The following SORCS2 variants were observed in gnomAD, a reference collection of about 807,000 sequenced individuals.
SORCS2 encodes VPS10 domain-containing receptor SorCS2.
Under a neutral mutation model 141.6 loss-of-function variants are expected in SORCS2, and 100 were observed. The ratio of observed to expected loss-of-function variants is 0.71; its 90% CI spans 0.60 to 0.83. The LOEUF is 0.83. Among genes scored for constraint, SORCS2 ranks in the 40% least tolerant of loss-of-function variants. SORCS2 has a pLI of 0.00. For synonymous variants in SORCS2, 789 were observed against 676.9 expected (o/e 1.17, Z -2.57); for missense variants, 1,646 against 1,560.2 (o/e 1.05, Z -0.93).
At chr4:7,353,718 G>A (rs1560213198) in intron 1 of SORCS2, among the ~76,000 whole-genome samples, 2 of 152,274 alleles carry the variant, frequency 1.3e-5, no homozygotes, top group South Asian at 2.1e-4. Flanking sequence ...TTTCTGGGTC[G>A]TGTTTGTCAG....
At chr4:7,735,316 C>A (rs1712079603) in intron 25 of SORCS2, 1 of 154,612 alleles carries the variant, frequency 6.5e-6, no homozygotes, top group Non-Finnish European at 1.5e-5. Context: ...AAGCCCCAGC[C>A]TTTCATGGGC....
chr4:7,466,330 G>A (rs539216039), intron 2 of SORCS2, among the ~76,000 whole-genome samples: 17 of 152,226 alleles, frequency 1.1e-4, no homozygotes, highest in Admixed American at 8.5e-4. Context: ...GGGATTCCAC[G>A]GGGGAGGGTG....
At chr4:7,195,536 A>G (rs55957572) in intron 1 of SORCS2, among the ~76,000 whole-genome samples, 50,307 of 152,078 alleles carry the variant, frequency 0.33, 8,876 homozygotes, top group African/African-American at 0.46. Flanking sequence ...CCTGAACCTC[A>G]GGGAGCAGGC....
At chr4:7,263,036 C>G (rs1006451256) in intron 1 of SORCS2, among the ~76,000 whole-genome samples, 1 of 152,138 alleles carries the variant, frequency 6.6e-6, no homozygotes, top group Non-Finnish European at 1.5e-5. Context: ...TGCTTCCCGA[C>G]TGCTGCAGAG....
At chr4:7,567,638 C>T (rs143710504) in intron 3 of SORCS2, among the ~76,000 whole-genome samples, 72 of 152,248 alleles carry the variant, frequency 4.7e-4, no homozygotes, top group Non-Finnish European at 7.8e-4. Context: ...CCAGGCTTCT[C>T]CACCATAGAG....
chr4:7,435,387 A>AC (rs1209146272), intron 2 of SORCS2, among the ~76,000 whole-genome samples: 1 of 151,784 alleles, frequency 6.6e-6, no homozygotes, highest in Non-Finnish European at 1.5e-5. Flanking sequence ...ATGACTGGCC[A>AC]CCCCCTGGAT....
chr4:7,633,340 C>A (rs1720021424), intron 3 of SORCS2, among the ~76,000 whole-genome samples: 1 of 152,174 alleles, frequency 6.6e-6, no homozygotes, highest in African/African-American at 2.4e-5. Flanking sequence ...GGACCCCCAC[C>A]TGCTTGCCTT....
intron 10 of SORCS2, among the ~76,000 whole-genome samples, chr4:7,683,376 TGG>T (rs1399054301): frequency 6.9e-6 from 1 of 145,770 alleles, no homozygotes; most frequent in Admixed American, 6.7e-5. Flanking sequence ...TGGGCTCAGC[TGG>T]GTGGCTCTGC....
intron 3 of SORCS2, among the ~76,000 whole-genome samples, chr4:7,600,500 C>T (rs756938783): frequency 3.9e-5 from 6 of 152,126 alleles, no homozygotes; most frequent in Non-Finnish European, 7.3e-5. Context: ...TTAGGAGGGG[C>T]CACACCAATC....
intron 1 of SORCS2, among the ~76,000 whole-genome samples, chr4:7,282,695 TG>T (rs1481180013): frequency 6.6e-6 from 1 of 152,182 alleles, no homozygotes; most frequent in Non-Finnish European, 1.5e-5. Context: ...GGAGGTGATT[TG>T]GTCCATAACA....
intron 3 of SORCS2, among the ~76,000 whole-genome samples, chr4:7,586,559 T>G (rs564661754): frequency 6.6e-6 from 1 of 152,326 alleles, no homozygotes; most frequent in East Asian, 1.9e-4. Context: ...AGCTCCTCCT[T>G]GTAAGTGAGA....
intron 3 of SORCS2, among the ~76,000 whole-genome samples, chr4:7,601,616 CAAAAAAAAAAA>C (rs1168678841): frequency 4.4e-5 from 2 of 45,632 alleles, no homozygotes; most frequent in Admixed American, 3.2e-4. Flanking sequence ...AAGACTCTCT[CAAAAAAAAAAA>C]AAAAAAAAAA....
At position 7,403,465 on chromosome 4, in the gene SORCS2, G is replaced by C. The variant is rs1374168102; in HGVS notation, c.548+7110G>C. On this transcript the variant is annotated intron_variant, in intron 2 of 26. Transcript: ENST00000507866. ...AGCCATGGTCAGGTTCAACCTCAGTGGGGCAGGGGGAGTACAGTTTGAGGA... is the reference window on the plus strand; with the variant it reads ...AGCCATGGTCAGGTTCAACCTCAGTCGGGCAGGGGGAGTACAGTTTGAGGA... Among the ~76,000 whole-genome samples the C allele has an allele frequency of 3.3e-5, 5 of 152,166 alleles. No individual in the cohort carries two copies. The East Asian group carries it at 9.6e-4, about 29-fold the overall frequency.
intron 1 of SORCS2, among the ~76,000 whole-genome samples, chr4:7,341,489 A>T (rs1041186002): frequency 6.6e-6 from 1 of 151,918 alleles, no homozygotes. Flanking sequence ...TTCTTTGCTC[A>T]TTTTCTCTCT....
At chr4:7,372,048 G>C (rs2878611) in intron 1 of SORCS2, among the ~76,000 whole-genome samples, 84,048 of 151,934 alleles carry the variant, frequency 0.55, 23,582 homozygotes, top group Middle Eastern at 0.61. Flanking sequence ...TGGACAGGGT[G>C]AACAAGTGGG....
intron 2 of SORCS2, among the ~76,000 whole-genome samples, chr4:7,420,462 C>A (rs1215512948): frequency 6.6e-6 from 1 of 152,180 alleles, no homozygotes; most frequent in Non-Finnish European, 1.5e-5. Flanking sequence ...GTCCAGGGCT[C>A]AGGTCCAGTT....
intron 12 of SORCS2, among the ~76,000 whole-genome samples, 180 bp from the exon 13 acceptor site, chr4:7,703,100 G>T (rs577872782): frequency 5.9e-5 from 9 of 152,310 alleles, no homozygotes; most frequent in African/African-American, 1.9e-4. Flanking sequence ...CGCTGAGTCC[G>T]CGTGGGCTGG....
intron 2 of SORCS2, among the ~76,000 whole-genome samples, chr4:7,458,426 G>T (rs2017189): frequency 0.47 from 71,147 of 151,858 alleles, 18,090 homozygotes; most frequent in Middle Eastern, 0.59. Context: ...GTCCTTTGGG[G>T]GCCCCTGAGC....
chr4:7,397,220 A>G (rs1375380444), intron 2 of SORCS2, among the ~76,000 whole-genome samples: 1 of 152,112 alleles, frequency 6.6e-6, no homozygotes, highest in Admixed American at 6.5e-5. Context: ...CTTTTAGCTA[A>G]GGGGTTTGGT....
Sources: allele counts gnomAD v4.1 joint callset (sites outside exome capture counted in the v4.1 genomes callset), GRCh38; gene constraint gnomAD v4.1.1; transcripts MANE v1.5; gene names NCBI Gene and HGNC (gene_info 2026-07-23, HGNC 2026-07-21).